FOXP1: variants seen among roughly 807,000 people sequenced by gnomAD.
FOXP1 encodes forkhead box protein P1.
In FOXP1, 15 loss-of-function variants were observed where a neutral mutation model predicts 98.2. The observed-to-expected ratio is 0.15, with a 90% CI of 0.10 to 0.24. The LOEUF (loss-of-function observed/expected upper bound fraction) is 0.24, where lower values mean the gene tolerates loss of function less well. Ranked by LOEUF, FOXP1 falls within the 10% of genes least tolerant of loss-of-function variation. The probability of loss-of-function intolerance (pLI) is 1.00; values close to 1 mark genes in which losing one functional copy is unlikely to be tolerated. For synonymous variants in FOXP1, 371 were observed against 314.5 expected (o/e 1.18, Z -1.90); for missense variants, 633 against 848.5 (o/e 0.75, Z 3.15).
intron 3 of FOXP1, among the ~76,000 whole-genome samples, chr3:71,413,253 C>CA (rs1264534554): frequency 3.0e-4 from 13 of 43,080 alleles, no homozygotes; most frequent in Non-Finnish European, 5.0e-4. Flanking sequence ...ACACATCCCC[C>CA]AAATAGACAC....
chr3:71,206,315 C>T (rs944299980), intron 5 of FOXP1, among the ~76,000 whole-genome samples: 2 of 152,088 alleles, frequency 1.3e-5, no homozygotes, highest in Non-Finnish European at 2.9e-5. Context: ...CCAAAAGTAA[C>T]AAGCCATTAA....
chr3:71,298,270 G>A (rs564139640), intron 5 of FOXP1, among the ~76,000 whole-genome samples: 1 of 152,014 alleles, frequency 6.6e-6, no homozygotes, highest in Non-Finnish European at 1.5e-5. Flanking sequence ...TTTGAGACCA[G>A]CCTGACCAAC....
chr3:71,121,766 T>G (rs531999464), intron 6 of FOXP1, among the ~76,000 whole-genome samples: 2 of 152,164 alleles, frequency 1.3e-5, no homozygotes, highest in Non-Finnish European at 2.9e-5. Context: ...TATTAGAAAA[T>G]GTCTAAAATG....
At chr3:71,449,504 T>A (rs1486075518) in intron 3 of FOXP1, among the ~76,000 whole-genome samples, 3 of 152,218 alleles carry the variant, frequency 2.0e-5, no homozygotes, top group African/African-American at 7.2e-5. Flanking sequence ...ATTTCATGGC[T>A]GGGAGCAGCC....
chr3:71,538,510 C>A (rs900742907), intron 2 of FOXP1, among the ~76,000 whole-genome samples: 2 of 152,198 alleles, frequency 1.3e-5, no homozygotes, highest in African/African-American at 4.8e-5. Flanking sequence ...CTTTTTGTGG[C>A]TGAAAAACAC....
At chr3:71,499,587 T>C (rs2041183269) in intron 2 of FOXP1, among the ~76,000 whole-genome samples, 1 of 152,238 alleles carries the variant, frequency 6.6e-6, no homozygotes, top group Non-Finnish European at 1.5e-5. Flanking sequence ...GGAGTTTGCA[T>C]GGATGTTTCC....
intron 5 of FOXP1, among the ~76,000 whole-genome samples, chr3:71,261,553 TTTTGA>T (rs1471145557): frequency 5.9e-5 from 9 of 152,330 alleles, no homozygotes; most frequent in African/African-American, 1.9e-4. Flanking sequence ...TTTTTTTTTC[TTTTGA>T]TTTATCAACA....
chr3:71,130,896 A>G (rs578086333), intron 6 of FOXP1: 2 of 1,375,744 alleles, frequency 1.5e-6, no homozygotes, highest in South Asian at 1.7e-5. Flanking sequence ...CAGGTCTGCA[A>G]GCAGCGACAC....
At chr3:71,516,284 G>A (rs1338208550) in intron 2 of FOXP1, among the ~76,000 whole-genome samples, 1 of 152,102 alleles carries the variant, frequency 6.6e-6, no homozygotes, top group African/African-American at 2.4e-5. Context: ...CAATGCAAAC[G>A]TGTGTGTGTG....
chr3:71,444,158 A>C (rs541623257), intron 3 of FOXP1, among the ~76,000 whole-genome samples: 72 of 152,280 alleles, frequency 4.7e-4, no homozygotes, highest in Admixed American at 4.6e-3. Context: ...CGCCAACCAC[A>C]GCTTACCACA....
chr3:71,230,789 C>T (rs757201921), intron 5 of FOXP1, among the ~76,000 whole-genome samples: 10 of 152,162 alleles, frequency 6.6e-5, no homozygotes, highest in African/African-American at 9.7e-5. Context: ...GATTCCAAAA[C>T]GAAAGTGTTT....
chr3:71,555,708 T>A (rs1216828756), intron 2 of FOXP1, among the ~76,000 whole-genome samples: 2 of 152,176 alleles, frequency 1.3e-5, no homozygotes, highest in Non-Finnish European at 2.9e-5. Flanking sequence ...ATATTGCTTC[T>A]CAGTGAAACC....
At chr3:71,244,456 C>A (rs2067547635) in intron 5 of FOXP1, among the ~76,000 whole-genome samples, 1 of 148,234 alleles carries the variant, frequency 6.7e-6, no homozygotes, top group African/African-American at 2.5e-5. Flanking sequence ...AACAGGCAAG[C>A]CTCAAGACCA....
intron 6 of FOXP1, among the ~76,000 whole-genome samples, chr3:71,188,760 G>A (rs1048770060): frequency 6.6e-6 from 1 of 152,182 alleles, no homozygotes; most frequent in African/African-American, 2.4e-5. Flanking sequence ...TTGTGTTTGT[G>A]TGGATAATAA....
At chr3:71,336,207 G>A (rs922525068) in intron 4 of FOXP1, among the ~76,000 whole-genome samples, 2 of 151,808 alleles carry the variant, frequency 1.3e-5, no homozygotes, top group Admixed American at 6.6e-5. Flanking sequence ...GCAATAAATT[G>A]AAATCTACTA....
At chr3:71,528,848 G>A (rs899969271) in intron 2 of FOXP1, among the ~76,000 whole-genome samples, 2 of 152,166 alleles carry the variant, frequency 1.3e-5, no homozygotes, top group African/African-American at 4.8e-5. Context: ...ATGAAAGAAG[G>A]AAAACAAAGG....
chr3:71,529,104 C>T (rs2043624088), intron 2 of FOXP1, among the ~76,000 whole-genome samples: 2 of 152,168 alleles, frequency 1.3e-5, no homozygotes, highest in South Asian at 4.1e-4. Context: ...AGTCAAACCT[C>T]CTGACATCCG....
chr3:71,473,326 C>T (rs1332258822), intron 3 of FOXP1, among the ~76,000 whole-genome samples: 2 of 152,092 alleles, frequency 1.3e-5, no homozygotes, highest in African/African-American at 4.8e-5. Context: ...GCCCAATATG[C>T]TCCCCTGAAA....
intron 3 of FOXP1, among the ~76,000 whole-genome samples, chr3:71,493,098 G>A (rs987466958): frequency 1.0e-4 from 14 of 133,626 alleles, no homozygotes; most frequent in African/African-American, 3.5e-4. Flanking sequence ...ATTTCTTGGT[G>A]GCTCATGTTA....
Sources: allele counts gnomAD v4.1 joint callset (sites outside exome capture counted in the v4.1 genomes callset), GRCh38; gene constraint gnomAD v4.1.1; transcripts MANE v1.5; gene names NCBI Gene and HGNC (gene_info 2026-07-23, HGNC 2026-07-21).